The following EIF4G2 variants were observed in gnomAD, a reference collection of about 807,000 sequenced individuals.
EIF4G2 encodes eukaryotic translation initiation factor 4 gamma 2.
EIF4G2 carries 8 observed loss-of-function variants against 117.7 expected under a neutral mutation model. The ratio of observed to expected loss-of-function variants is 0.07; its 90% CI spans 0.04 to 0.12. EIF4G2 has a LOEUF of 0.12. EIF4G2 is among the 10% of genes least tolerant of loss of function. The pLI is 1.00. For missense variants in EIF4G2, 812 were observed against 1,086.2 expected (o/e 0.75, Z 3.55); for synonymous variants, 413 against 367.8 (o/e 1.12, Z -1.41).
chr11:10,803,052 T>C lies in EIF4G2; in HGVS notation c.974A>G (p.Gln325Arg). The change falls in exon 11 of 22, where the codon CAA (glutamine) becomes CGA (arginine). Residue 325 changes from glutamine (Q) to arginine (R), a missense_variant. Gln to Arg is a conservative substitution (Grantham distance 43). This residue lies in a region of EIF4G2 where 154 missense variants were observed against 322.1 expected (regional missense o/e 0.48). Coordinates refer to ENST00000339995, the MANE Select transcript of EIF4G2 (RefSeq NM_001418.4). The surrounding 1 kb of genome is among the most constrained non-coding windows in gnomAD (Gnocchi z 4.0). Reference sequence around the variant, plus strand: ...TACTTTTACTGCATCTTGACGAATTTGATTGATCGTCTTTGGTCCATTGTC... The same window carrying C: ...TACTTTTACTGCATCTTGACGAATTCGATTGATCGTCTTTGGTCCATTGTC... 6.2e-7 allele frequency: 1 copy of C among 1,610,022 alleles called. No homozygotes were observed. Among genetic ancestry groups the C allele is most frequent in the Non-Finnish European group, 8.5e-7 (1 of 1,178,068 alleles).
In EIF4G2 at chr11:10,801,096, G is replaced by A. The variant is rs187362968; in HGVS notation, c.1414-9C>T. 2.1e-4 allele frequency: 341 copies of A among 1,613,582 alleles called. 1 individual carries two copies. The African/African-American group carries it at 4.0e-3, about 19-fold the overall frequency. ...GCAGGCCTCAGGCTAATCTGGAATT[G>A]AAAACAAAATATATCTAAATTAACA... On this transcript the variant is annotated splice_polypyrimidine_tract_variant and intron_variant, in intron 14 of 21. Coordinates refer to ENST00000339995, the MANE Select transcript of EIF4G2 (RefSeq NM_001418.4).
intron 19 of EIF4G2, 44 bp downstream of exon 19, chr11:10,799,508 C>T (rs3736327): frequency 0.61 from 986,873 of 1,607,546 alleles, 304,677 homozygotes; most frequent in Admixed American, 0.73. Flanking sequence ...GCTTCTTTTC[C>T]AGTACATGAA....
intron 1 of EIF4G2, chr11:10,807,777 C>T (rs1431946127): frequency 1.0e-6 from 1 of 991,252 alleles, no homozygotes; most frequent in Non-Finnish European, 1.2e-6. Context: ...TGAGGTCTCT[C>T]CGAAAGCTCT....
chr11:10,799,721 A>G lies in EIF4G2; in HGVS notation c.2155T>C (p.Leu719=). 6.2e-7 allele frequency: 1 copy of G among 1,614,064 alleles called. No homozygotes were observed. Among genetic ancestry groups the G allele is most frequent in the Middle Eastern group, 1.6e-4 (1 of 6,062 alleles). The change falls in exon 19 of 22, where the codon TTG becomes CTG. Residue 719 remains leucine (L), a synonymous_variant. Transcript: ENST00000339995. The stretch of plus-strand genomic sequence containing the variant: ...AAGAAACTCAGTCCCTTTCCTTCCA[A>G]AATCTCCAACATGCGGTCCTTATTC...
chr11:10,803,616 C>T lies in EIF4G2; in HGVS notation c.703-26G>A. On this transcript the variant is annotated intron_variant, in intron 8 of 21. Coordinates refer to ENST00000339995, the MANE Select transcript of EIF4G2 (RefSeq NM_001418.4). This position sits in a 1 kb window ranked among gnomAD's most constrained non-coding sequence, Gnocchi z 4.0. ...CTACAAGAATAAAAGGCCATGGTGACAAAGTTTTAGTTACTCTGGTTTAGG... is the reference window on the plus strand; with the variant it reads ...CTACAAGAATAAAAGGCCATGGTGATAAAGTTTTAGTTACTCTGGTTTAGG... 2 of 1,593,374 alleles carry T rather than the reference C, an allele frequency of 1.3e-6. No homozygotes were observed. Among genetic ancestry groups the T allele is most frequent in the Non-Finnish European group, 1.7e-6 (2 of 1,163,334 alleles).
chr11:10,804,873 TC>T (rs778742803), intron 5 of EIF4G2, 39 bp downstream of exon 5: 2 of 1,525,732 alleles, frequency 1.3e-6, no homozygotes, highest in Non-Finnish European at 1.8e-6. Context: ...GTTAAACAGT[TC>T]CCTCTCCCTT....
rs529931996 is a variant in EIF4G2 at position 10,806,965 on chromosome 11, C to A, written c.42-80G>T. The A allele has an allele frequency of 2.6e-6, 4 of 1,548,274 alleles. No homozygotes were observed. In the South Asian group the frequency reaches 4.5e-5, roughly 17 times the overall value. ...GAATAAGCATCTATTTTGTGTTTTG[C>A]TTTGCTTGTAGAGATGGGGGTCTCG... On this transcript the variant is annotated intron_variant, in intron 2 of 21. Coordinates refer to ENST00000339995, the MANE Select transcript of EIF4G2 (RefSeq NM_001418.4).
Position 10,807,309 on chromosome 11 carries a change from C to G in EIF4G2, c.-14G>C. On this transcript the variant is annotated 5_prime_UTR_variant, in exon 2 of 22. Transcript: ENST00000339995. Reference sequence around the variant, plus strand: ...CGCACTCTCCACTTTGGCGGCTTGACAACGAAGAATCTTCAAAAGAATAAT... The same window carrying G: ...CGCACTCTCCACTTTGGCGGCTTGAGAACGAAGAATCTTCAAAAGAATAAT... The G allele has an allele frequency of 6.4e-7, 1 of 1,562,706 alleles. No individual in the cohort carries two copies. Among genetic ancestry groups the G allele is most frequent in the Non-Finnish European group, 8.7e-7 (1 of 1,148,562 alleles).
At position 10,797,734 on chromosome 11, in the gene EIF4G2, G is replaced by C; in HGVS notation, c.*82C>G. ...TATTGTGAAAACATTACAGCGGAAT[G>C]AATTTTCGCAGTGGTTAGGTCAAAT... On this transcript the variant is annotated 3_prime_UTR_variant, in exon 22 of 22. Transcript: ENST00000339995. This position sits in a 1 kb window ranked among gnomAD's most constrained non-coding sequence, Gnocchi z 4.5. 7.3e-7 allele frequency: 1 copy of C among 1,363,760 alleles called. No homozygotes were observed. The allele number at this position is 1,363,760 out of a possible 1,614,324, so 84.5% of individuals were successfully genotyped here. A position where few individuals can be genotyped will look rare whatever the true frequency, so the allele number is the denominator to read the frequency against.
chr11:10,807,356 G>C lies in EIF4G2; in HGVS notation c.-61C>G. The C allele has an allele frequency of 1.9e-6, 3 of 1,609,480 alleles. No individual in the cohort carries two copies. Among genetic ancestry groups the C allele is most frequent in the Non-Finnish European group, 2.5e-6 (3 of 1,179,156 alleles). On this transcript the variant is annotated 5_prime_UTR_variant, in exon 2 of 22. Transcript: ENST00000339995. ...TAATATTAATAGATGGGGTGGGGAG[G>C]GGAGGGGACAGGAGAAATGAAATAC...
chr11:10,799,964 G>A (rs1278661989), intron 18 of EIF4G2, 126 bp downstream of exon 18: 16 of 1,179,084 alleles, frequency 1.4e-5, no homozygotes. Flanking sequence ...TGAGATCTGT[G>A]GTAATGTTTA....
Position 10,807,395 on chromosome 11 carries a change from G to C in EIF4G2, c.-86-14C>G, listed in dbSNP as rs574706699. 1.3e-5 allele frequency: 20 copies of C among 1,588,926 alleles called. No individual in the cohort carries two copies. In the South Asian group the frequency reaches 2.0e-4, roughly 16 times the overall value. ...GAAATGAAATACCTGGAACGAGAAA[G>C]AGCACCAAAATTAGACACTGCTAAC... On this transcript the variant is annotated splice_polypyrimidine_tract_variant and intron_variant, in intron 1 of 21. Transcript: ENST00000339995.
intron 21 of EIF4G2, chr11:10,798,723 C>G (rs750633781): frequency 1.8e-5 from 5 of 273,212 alleles, no homozygotes; most frequent in African/African-American, 8.9e-5. Context: ...AAGCTTAAAT[C>G]GAAACTTGTA....
At position 10,797,894 on chromosome 11, in the gene EIF4G2, A is replaced by G; in HGVS notation, c.2659-13T>C. 1 of 1,612,008 alleles carries G rather than the reference A, an allele frequency of 6.2e-7. No individual in the cohort carries two copies. Among genetic ancestry groups the G allele is most frequent in the Non-Finnish European group, 8.5e-7 (1 of 1,178,936 alleles). ...GCCACTGATTCACCTATAAATTAAG[A>G]TTTGTAAATTAAAATAGTTCATGAT... is the stretch of plus-strand genomic sequence containing the variant. On this transcript the variant is annotated splice_polypyrimidine_tract_variant and intron_variant, in intron 21 of 21. Coordinates refer to ENST00000339995, the MANE Select transcript of EIF4G2 (RefSeq NM_001418.4). This position sits in a 1 kb window ranked among gnomAD's most constrained non-coding sequence, Gnocchi z 4.5.
chr11:10,801,773 C>A lies in EIF4G2; in HGVS notation c.1301G>T (p.Gly434Val), dbSNP rs948904058. ...CTGGTTATGGTAGAGCTGGCTTAGC[C>A]CCTATTTCAGAAAAGGAGAAAGAAA... Residue 434 changes from glycine (G) to valine (V), a missense_variant and splice_region_variant, in exon 14 of 22, where the codon GGG becomes GTG. Physicochemically the swap from Gly to Val is moderately radical, Grantham distance 109. Around this residue, in one of 4 missense-constraint regions of EIF4G2, gnomAD observed 571 missense variants for 642.3 expected, o/e 0.89. Coordinates refer to ENST00000339995, the MANE Select transcript of EIF4G2 (RefSeq NM_001418.4). 6.2e-7 allele frequency: 1 copy of A among 1,612,110 alleles called. No individual in the cohort carries two copies. The highest frequency in any genetic ancestry group is 8.5e-7 in the Non-Finnish European group (1 of 1,179,522).
Position 10,807,385 on chromosome 11 carries a change from G to C in EIF4G2, c.-86-4C>G, listed in dbSNP as rs1482983235. On this transcript the variant is annotated splice_polypyrimidine_tract_variant and splice_region_variant and intron_variant, in intron 1 of 21. Coordinates refer to ENST00000339995, the MANE Select transcript of EIF4G2 (RefSeq NM_001418.4). ...GGGGACAGGAGAAATGAAATACCTG[G>C]AACGAGAAAGAGCACCAAAATTAGA... 1 of 1,592,926 alleles carries C rather than the reference G, an allele frequency of 6.3e-7. No homozygotes were observed. The highest frequency in any genetic ancestry group is 2.2e-5 in the East Asian group (1 of 44,744).
In EIF4G2 at chr11:10,803,652, TCTTTCC is replaced by T. The variant is rs1847487319; in HGVS notation, c.703-68_703-63del. 2 of 1,427,758 alleles carry T rather than the reference TCTTTCC, an allele frequency of 1.4e-6. No homozygotes were observed. Among genetic ancestry groups the T allele is most frequent in the Admixed American group, 1.7e-5 (1 of 58,838 alleles). 88.4% of individuals were successfully genotyped at this position (1,427,758 alleles called of 1,614,324 possible). Reference sequence around the variant, plus strand: ...TTACTCTGGTTTAGGCGTAGTACTTTCTTTCCCTTTATGTTTGCACTGACTCATTCA... The same window carrying T: ...TTACTCTGGTTTAGGCGTAGTACTTTCTTTATGTTTGCACTGACTCATTCA... On this transcript the variant is annotated intron_variant, in intron 8 of 21. Coordinates refer to ENST00000339995, the MANE Select transcript of EIF4G2 (RefSeq NM_001418.4). The surrounding 1 kb of genome is among the most constrained non-coding windows in gnomAD (Gnocchi z 4.0).
intron 11 of EIF4G2, among the ~76,000 whole-genome samples, 170 bp from the exon 12 acceptor site, chr11:10,802,605 A>G (rs1424181583): frequency 6.6e-6 from 1 of 152,208 alleles, no homozygotes; most frequent in African/African-American, 2.4e-5. Flanking sequence ...GATGGCTCAC[A>G]TCTGTAATCC....
At chr11:10,802,509 AG>A (rs569960424) in intron 11 of EIF4G2, 74 bp from the exon 12 acceptor site, 10 of 1,456,886 alleles carry the variant, frequency 6.9e-6, no homozygotes, top group South Asian at 1.5e-5. Context: ...TCTTGCAACT[AG>A]GGGGGGAAAC....
Sources: allele counts gnomAD v4.1 joint callset (sites outside exome capture counted in the v4.1 genomes callset), GRCh38; gene constraint gnomAD v4.1.1; regional missense constraint gnomAD v4.1.1; non-coding constraint Gnocchi (gnomAD v3.1); transcripts MANE v1.5; gene names NCBI Gene and HGNC (gene_info 2026-07-23, HGNC 2026-07-21).